Variants in HMCN1 observed in about 807,000 individuals in gnomAD.
HMCN1 encodes the protein hemicentin 1.
HMCN1 carries 321 observed loss-of-function variants against 625.9 expected under a neutral mutation model. The observed-to-expected ratio is 0.51, with a 90% CI of 0.47 to 0.56. The LOEUF is 0.56. Ranked by LOEUF, HMCN1 falls within the 20% of genes least tolerant of loss-of-function variation. The pLI is 0.00. For synonymous variants in HMCN1, 2,425 were observed against 2,417.6 expected, an observed-to-expected ratio of 1.00 and a Z score of -0.09; for missense variants, 6,588 against 6,887.3, an observed-to-expected ratio of 0.96 and a Z score of 1.54.
chr1:185,962,391 G>T (rs780150037), intron 11 of HMCN1, 127 bp from the exon 12 acceptor site: 93 of 769,424 alleles, frequency 1.2e-4, no homozygotes, highest in Non-Finnish European at 2.0e-4. Flanking sequence ...TATCTGTGAT[G>T]GGGTTCATCC....
chr1:185,821,960 T>C (rs114279077), intron 1 of HMCN1, among the ~76,000 whole-genome samples: 4,802 of 151,686 alleles, frequency 0.032, 221 homozygotes, highest in African/African-American at 0.11. Context: ...GAAGCCAATC[T>C]GAAAAGGCTA....
At chr1:186,077,993 A>G in intron 54 of HMCN1, 114 bp from the exon 55 acceptor site, 2 of 748,120 alleles carry the variant, frequency 2.7e-6, no homozygotes, top group South Asian at 1.5e-5. Context: ...TGGATGAAAC[A>G]GGAACCTTGA....
intron 68 of HMCN1, among the ~76,000 whole-genome samples, chr1:186,095,960 G>T (rs149756717): frequency 0.021 from 3,201 of 152,208 alleles, 58 homozygotes; most frequent in Admixed American, 0.025. Flanking sequence ...ATTCTTGTGT[G>T]CATTTAAAGT....
At chr1:185,958,398 C>T (rs776818749) in intron 11 of HMCN1, among the ~76,000 whole-genome samples, 22 of 152,184 alleles carry the variant, frequency 1.4e-4, no homozygotes, top group South Asian at 2.1e-4. Context: ...GGATTACAAG[C>T]GTGAGCCACC....
In HMCN1 at chr1:186,189,959, G is replaced by A; in HGVS notation, c.*81G>A. Reference sequence around the variant, plus strand: ...GCCCCCTTCCAGATTACTGTCTCTTGAACAGTTGCAATCTTGGCAGCTTGA... The same window carrying A: ...GCCCCCTTCCAGATTACTGTCTCTTAAACAGTTGCAATCTTGGCAGCTTGA... On this transcript the variant is annotated 3_prime_UTR_variant, in exon 107 of 107. Transcript: ENST00000271588. 6.6e-7 allele frequency: 1 copy of A among 1,508,062 alleles called. No homozygotes were observed. The highest frequency in any genetic ancestry group is 1.4e-5 in the African/African-American group (1 of 73,014). 93.4% of individuals were successfully genotyped at this position (1,508,062 alleles called of 1,614,324 possible). A position where few individuals can be genotyped will look rare whatever the true frequency, so the allele number is the denominator to read the frequency against.
intron 3 of HMCN1, among the ~76,000 whole-genome samples, chr1:185,865,530 C>G (rs1663121980): frequency 6.7e-6 from 1 of 149,036 alleles, no homozygotes; most frequent in South Asian, 2.1e-4. Flanking sequence ...TCACCATGTT[C>G]CTATCTGGGT....
intron 1 of HMCN1, among the ~76,000 whole-genome samples, chr1:185,795,095 A>G (rs1658277059): frequency 6.6e-6 from 1 of 152,196 alleles, no homozygotes; most frequent in Non-Finnish European, 1.5e-5. Context: ...ACCTAAATAA[A>G]TGAACTACAC....
chr1:185,932,371 A>G (rs1175934041), intron 10 of HMCN1, among the ~76,000 whole-genome samples: 1 of 152,194 alleles, frequency 6.6e-6, no homozygotes, highest in Non-Finnish European at 1.5e-5. Flanking sequence ...GGCTTATGAT[A>G]TTAATCTGCA....
chr1:186,087,906 C>T (rs1052437924), intron 60 of HMCN1, 26 bp from the exon 61 acceptor site: 8 of 1,579,332 alleles, frequency 5.1e-6, no homozygotes, highest in Non-Finnish European at 7.0e-6. Context: ...TAATGGAGCA[C>T]ATACAATAGT....
At chr1:185,846,259 A>G (rs34513507) in intron 2 of HMCN1, among the ~76,000 whole-genome samples, 163 bp downstream of exon 2, 1 of 152,218 alleles carries the variant, frequency 6.6e-6, no homozygotes, top group Non-Finnish European at 1.5e-5. Flanking sequence ...AATGAATTGA[A>G]CAATACATAC....
chr1:186,046,344 C>T (rs1209561229), intron 41 of HMCN1, among the ~76,000 whole-genome samples: 6 of 152,050 alleles, frequency 3.9e-5, no homozygotes, highest in Non-Finnish European at 7.4e-5. Flanking sequence ...TGACATGCAC[C>T]GGTAATCCCA....
intron 1 of HMCN1, among the ~76,000 whole-genome samples, chr1:185,756,980 T>C (rs1002878456): frequency 1.7e-4 from 26 of 152,208 alleles, no homozygotes; most frequent in Non-Finnish European, 3.7e-4. Flanking sequence ...AGATTTATTT[T>C]ATTTTATTTT....
In HMCN1 at chr1:185,981,004, T is replaced by C; in HGVS notation, c.2593T>C (p.Tyr865His). The C allele has an allele frequency of 6.2e-7, 1 of 1,610,306 alleles. No individual in the cohort carries two copies. The highest frequency in any genetic ancestry group is 1.1e-5 in the South Asian group (1 of 91,004). ...LNLWASDKGT[Y>H]ICEAENQFGK... ...CTTATGGGCAAGTGATAAAGGAACC[T>C]ATATTTGTGAAGCTGAAAACCAGTT... Residue 865 changes from tyrosine (Y) to histidine (H), a missense_variant, in exon 17 of 107, where the codon TAT (tyrosine) becomes CAT (histidine). By Grantham distance (83) the Tyr-to-His change is moderately conservative. Coordinates refer to ENST00000271588, the MANE Select transcript of HMCN1 (RefSeq NM_031935.3).
intron 1 of HMCN1, among the ~76,000 whole-genome samples, chr1:185,800,300 C>T (rs1474711745): frequency 2.6e-5 from 4 of 152,176 alleles, no homozygotes; most frequent in Admixed American, 6.5e-5. Context: ...TTCCAGTGTT[C>T]TCCCTTAGAC....
chr1:185,973,170 A>T (rs1337477936), intron 15 of HMCN1, among the ~76,000 whole-genome samples: 1 of 152,146 alleles, frequency 6.6e-6, no homozygotes, highest in Non-Finnish European at 1.5e-5. Context: ...ACGAGACATC[A>T]TCCTAACGTA....
rs202206115 is a variant in HMCN1, at chr1:185,922,452, G to A, written c.974G>A (p.Arg325Gln). ...ATTGATTTCCGAGCTGGCTTTTCTC[G>A]AAAGCCCACCCTGGACTTCAAAAAA... ...STIDFRAGFS[R>Q]KPTLDFKKTV... is the part of the protein sequence containing the mutation. The change falls in exon 7 of 107, where the codon CGA becomes CAA. Residue 325 changes from arginine to glutamine, a missense_variant. Transcript: ENST00000271588. The A allele has an allele frequency of 1.4e-4, 222 of 1,613,518 alleles. No homozygotes were observed. Among genetic ancestry groups the A allele is most frequent in the Non-Finnish European group, 1.7e-4 (201 of 1,179,810 alleles).
intron 4 of HMCN1, among the ~76,000 whole-genome samples, chr1:185,867,148 G>C (rs1663301606): frequency 1.3e-5 from 2 of 152,106 alleles, no homozygotes; most frequent in Non-Finnish European, 2.9e-5. Context: ...TATTGAAATA[G>C]ATAGATTTAT....
intron 55 of HMCN1, among the ~76,000 whole-genome samples, chr1:186,079,465 T>C (rs1214927049): frequency 2.6e-5 from 4 of 152,166 alleles, no homozygotes; most frequent in Non-Finnish European, 4.4e-5. Flanking sequence ...AGTTATACCT[T>C]CTACAGACAA....
At chr1:186,165,931 A>T (rs2102620236) in intron 98 of HMCN1, among the ~76,000 whole-genome samples, 1 of 152,362 alleles carries the variant, frequency 6.6e-6, no homozygotes, top group Non-Finnish European at 1.5e-5. Flanking sequence ...AGCACAGTAG[A>T]TGATAAATAT....
Sources: allele counts gnomAD v4.1 joint callset (sites outside exome capture counted in the v4.1 genomes callset), GRCh38; gene constraint gnomAD v4.1.1; transcripts MANE v1.5; gene names NCBI Gene and HGNC (gene_info 2026-07-23, HGNC 2026-07-21).